The following PHACTR1 variants were observed in gnomAD, a reference collection of about 807,000 sequenced individuals.
PHACTR1 encodes the protein phosphatase and actin regulator 1.
In PHACTR1, 16 loss-of-function variants were observed where a neutral mutation model predicts 69.2. That is an observed-to-expected ratio of 0.23 (90% confidence interval 0.16 to 0.35). PHACTR1 has a LOEUF of 0.35. Ranked by LOEUF, PHACTR1 falls within the 10% of genes least tolerant of loss-of-function variation. The pLI is 1.00. For synonymous variants in PHACTR1, 312 were observed against 284.5 expected, an observed-to-expected ratio of 1.10 and a Z score of -0.97; for missense variants, 510 against 734.7, an observed-to-expected ratio of 0.69 and a Z score of 3.54.
At chr6:12,780,373 A>C (rs1770671869) in intron 4 of PHACTR1, among the ~76,000 whole-genome samples, 1 of 152,086 alleles carries the variant, frequency 6.6e-6, no homozygotes, top group South Asian at 2.1e-4. Flanking sequence ...TAAAAGAATC[A>C]GGGCCTGACA....
At chr6:12,872,332 AGATGGAT>A (rs1782113273) in intron 4 of PHACTR1, among the ~76,000 whole-genome samples, 1 of 152,232 alleles carries the variant, frequency 6.6e-6, no homozygotes, top group African/African-American at 2.4e-5. Context: ...AAAATGTTAA[AGATGGAT>A]GATGGATGCA....
At chr6:12,903,729 C>T (rs1286411940) in intron 4 of PHACTR1, among the ~76,000 whole-genome samples, 1 of 152,136 alleles carries the variant, frequency 6.6e-6, no homozygotes, top group African/African-American at 2.4e-5. Flanking sequence ...ATAAAAATAG[C>T]TTAAAATCAT....
rs370780353 is a variant in PHACTR1 at position 13,252,004 on chromosome 6, G to C, written c.1392-20856G>C. On this transcript the variant is annotated intron_variant, in intron 10 of 14. Transcript: ENST00000332995. Reference sequence around the variant, plus strand: ...CAGCAGTTTGAGGCTACAGTGAGCTGTGATTGCACCACTGTACTCCAGCCT... The same window carrying C: ...CAGCAGTTTGAGGCTACAGTGAGCTCTGATTGCACCACTGTACTCCAGCCT... 4.6e-5 allele frequency among the ~76,000 whole-genome samples: 7 copies of C among 151,030 alleles called. No homozygotes were observed. In the East Asian group the frequency reaches 1.4e-3, roughly 29 times the overall value.
At chr6:13,238,668 T>C (rs1013014123) in intron 10 of PHACTR1, among the ~76,000 whole-genome samples, 3 of 152,152 alleles carry the variant, frequency 2.0e-5, no homozygotes, top group Admixed American at 1.3e-4. Flanking sequence ...GTAGTGTTTA[T>C]GGTTGGGGAA....
In PHACTR1 at chr6:13,064,547, GATATATATATATATATAT is replaced by G. The variant is rs1195089569; in HGVS notation, c.415+11059_415+11076del. On this transcript the variant is annotated intron_variant, in intron 5 of 14. Transcript: ENST00000332995. ...GCAACGGGAAGGGGAGAAGGGAAAA[GATATATATATATATATAT>G]ATATATATATATATATATATATATA... is the stretch of plus-strand genomic sequence containing the variant. Among the ~76,000 whole-genome samples, 48 of 70,216 alleles carry G rather than the reference GATATATATATATATATAT, an allele frequency of 6.8e-4. 2 individuals are homozygous for G. Among genetic ancestry groups the G allele is most frequent in the Non-Finnish European group, 9.3e-4 (33 of 35,672 alleles). The allele number at this position is 70,216 out of a possible 152,430, so 46.1% of individuals were successfully genotyped here. A position where few individuals can be genotyped will look rare whatever the true frequency, so the allele number is the denominator to read the frequency against.
At chr6:12,784,680 C>T (rs1771307804) in intron 4 of PHACTR1, among the ~76,000 whole-genome samples, 1 of 151,376 alleles carries the variant, frequency 6.6e-6, no homozygotes, top group South Asian at 2.1e-4. Context: ...ACATACACAT[C>T]CACACGTGTA....
intron 7 of PHACTR1, among the ~76,000 whole-genome samples, chr6:13,193,379 A>ATATATATATATATATATATATG: frequency 7.3e-6 from 1 of 136,074 alleles, no homozygotes; most frequent in Admixed American, 7.6e-5. Flanking sequence ...ATATATATAT[A>ATATATATATATATATATATATG]TATATAGTTT....
Position 12,735,050 on chromosome 6 carries a change from G to A in PHACTR1, c.104-14594G>A, listed in dbSNP as rs76767053. Among the ~76,000 whole-genome samples the A allele has an allele frequency of 6.0e-3, 916 of 152,314 alleles. 12 individuals carry two copies. The highest frequency in any genetic ancestry group is 0.021 in the African/African-American group (861 of 41,564). Reference sequence around the variant, plus strand: ...GTTTCTGTGGGTCAAGAATTAAGGAGAGTCTTAGCTGGGCTGTTGGGGTTT... The same window carrying A: ...GTTTCTGTGGGTCAAGAATTAAGGAAAGTCTTAGCTGGGCTGTTGGGGTTT... On this transcript the variant is annotated intron_variant, in intron 3 of 14. Transcript: ENST00000332995.
At chr6:13,222,059 G>T (rs1020741567) in intron 8 of PHACTR1, among the ~76,000 whole-genome samples, 9 of 151,846 alleles carry the variant, frequency 5.9e-5, no homozygotes, top group Admixed American at 2.6e-4. Context: ...AATGAACAAA[G>T]ACTCCATCTC....
chr6:12,776,651 C>T (rs980327398), intron 4 of PHACTR1, among the ~76,000 whole-genome samples: 6 of 152,182 alleles, frequency 3.9e-5, no homozygotes, highest in Non-Finnish European at 7.3e-5. Context: ...TCCCACTTAA[C>T]GATTAAGCAG....
At position 12,934,059 on chromosome 6, in the gene PHACTR1, G is replaced by A. The variant is rs145126821; in HGVS notation, c.251-119306G>A. 46 of 1,354,684 alleles carry A rather than the reference G, an allele frequency of 3.4e-5. No homozygotes were observed. The East Asian group carries it at 1.1e-3, about 33-fold the overall frequency. 83.9% of individuals were successfully genotyped at this position (1,354,684 alleles called of 1,614,324 possible). A position where few individuals can be genotyped will look rare whatever the true frequency, so the allele number is the denominator to read the frequency against. Reference sequence around the variant, plus strand: ...CTTGAAGTCCCAAATCAAGGTGTTGGTGGGGCCACGGTCCTTTTGCAGGCT... The same window carrying A: ...CTTGAAGTCCCAAATCAAGGTGTTGATGGGGCCACGGTCCTTTTGCAGGCT... On this transcript the variant is annotated intron_variant, in intron 4 of 14. Coordinates refer to ENST00000332995, the MANE Select transcript of PHACTR1 (RefSeq NM_030948.6).
intron 4 of PHACTR1, among the ~76,000 whole-genome samples, chr6:12,805,821 G>A (rs926826808): frequency 3.3e-5 from 5 of 152,170 alleles, no homozygotes; most frequent in Middle Eastern, 3.4e-3. Flanking sequence ...AGATTGTCTC[G>A]AACTCCTGAC....
chr6:12,734,609 A>T (rs917261753), intron 3 of PHACTR1, among the ~76,000 whole-genome samples: 2 of 152,178 alleles, frequency 1.3e-5, no homozygotes, highest in African/African-American at 4.8e-5. Flanking sequence ...TAATATCCAC[A>T]TTATTTTGTT....
At chr6:13,240,435 GTTTT>G (rs886127928) in intron 10 of PHACTR1, among the ~76,000 whole-genome samples, 1 of 151,384 alleles carries the variant, frequency 6.6e-6, no homozygotes, top group African/African-American at 2.4e-5. Flanking sequence ...TTTTGTTGTT[GTTTT>G]TTTGTTTTGT....
chr6:13,167,035 T>C (rs1275881088), intron 6 of PHACTR1, among the ~76,000 whole-genome samples: 4 of 152,226 alleles, frequency 2.6e-5, no homozygotes, highest in Non-Finnish European at 5.9e-5. Flanking sequence ...GGCTAGCTAC[T>C]GATTATTCCA....
intron 4 of PHACTR1, among the ~76,000 whole-genome samples, chr6:13,030,812 C>T (rs1027747108): frequency 6.6e-6 from 1 of 152,228 alleles, no homozygotes; most frequent in Admixed American, 6.5e-5. Flanking sequence ...GAAAGCAGAA[C>T]TCACTCAACT....
intron 4 of PHACTR1, among the ~76,000 whole-genome samples, chr6:12,759,909 C>T (rs1767838700): frequency 6.6e-6 from 1 of 152,212 alleles, no homozygotes; most frequent in Admixed American, 6.5e-5. Context: ...CTGCCACTTA[C>T]TGGCTGTATG....
chr6:13,267,581 G>A (rs1776934773), intron 10 of PHACTR1: 1 of 151,422 alleles, frequency 6.6e-6, no homozygotes, highest in Non-Finnish European at 1.5e-5. Context: ...CAACTTGCTT[G>A]TTGTTTTGAG....
At chr6:12,898,419 C>A (rs1337493963) in intron 4 of PHACTR1, among the ~76,000 whole-genome samples, 1 of 152,186 alleles carries the variant, frequency 6.6e-6, no homozygotes, top group Admixed American at 6.5e-5. Flanking sequence ...CCCGACTCAG[C>A]CTCCACTCGC....
Sources: gnomAD v4.1 joint callset for allele counts (sites outside exome capture counted in the v4.1 genomes callset) on GRCh38, gnomAD v4.1.1 for gene constraint, MANE v1.5 for transcripts, NCBI Gene and HGNC (gene_info 2026-07-23, HGNC 2026-07-21) for gene names.